SNTG1: variants seen among roughly 807,000 people sequenced by gnomAD.
SNTG1 encodes gamma-1-syntrophin.
Under a neutral mutation model 74.7 loss-of-function variants are expected in SNTG1, and 39 were observed. The ratio of observed to expected loss-of-function variants is 0.52; its 90% CI spans 0.40 to 0.68. The LOEUF is 0.68. Ranked by LOEUF, SNTG1 falls within the 30% of genes least tolerant of loss-of-function variation. The probability of loss-of-function intolerance (pLI) is 0.00; values close to 1 mark genes in which losing one functional copy is unlikely to be tolerated. For synonymous variants in SNTG1, 254 were observed against 217.1 expected (o/e 1.17, Z -1.49); for missense variants, 685 against 609.5 (o/e 1.12, Z -1.30).
chr8:50,128,147 G>GA (rs2081205209), intron 1 of SNTG1, among the ~76,000 whole-genome samples: 1 of 151,992 alleles, frequency 6.6e-6, no homozygotes, highest in Non-Finnish European at 1.5e-5. Context: ...AAATATATTG[G>GA]AAAAAGAAAG....
At chr8:50,757,103 G>A (rs1412965178) in intron 18 of SNTG1, among the ~76,000 whole-genome samples, 3 of 151,630 alleles carry the variant, frequency 2.0e-5, no homozygotes, top group African/African-American at 2.4e-5. Flanking sequence ...TGGTTTGGTA[G>A]GTAATTTTTA....
At chr8:50,612,490 T>C (rs1459255467) in intron 13 of SNTG1, among the ~76,000 whole-genome samples, 5 of 152,222 alleles carry the variant, frequency 3.3e-5, no homozygotes, top group Non-Finnish European at 7.3e-5. Context: ...TTTGTCACTT[T>C]TCATTAATTC....
chr8:50,305,509 G>A (rs1317714916), intron 2 of SNTG1, among the ~76,000 whole-genome samples: 1 of 126,592 alleles, frequency 7.9e-6, no homozygotes, highest in Admixed American at 8.9e-5. Flanking sequence ...GTGGATGTTT[G>A]GTTTGTTTGT....
In SNTG1 at chr8:50,589,318, G is replaced by A. The variant is rs371982814; in HGVS notation, c.811-1561G>A. Among the ~76,000 whole-genome samples the A allele has an allele frequency of 6.6e-5, 10 of 152,014 alleles. No homozygotes were observed. The East Asian group carries it at 1.7e-3, about 26-fold the overall frequency. On this transcript the variant is annotated intron_variant, in intron 12 of 18. Transcript: ENST00000642720. ...TTCCTCACAGGTAAATAATTCTGAT[G>A]GTCTAGTAAACACTCTAGTGGGACA...
intron 2 of SNTG1, among the ~76,000 whole-genome samples, chr8:50,269,037 A>G (rs2087634150): frequency 6.6e-6 from 1 of 152,208 alleles, no homozygotes; most frequent in Non-Finnish European, 1.5e-5. Flanking sequence ...TTGAGCAGTT[A>G]GATTTAGTGG....
chr8:49,950,307 C>T (rs1231866630), intron 1 of SNTG1, among the ~76,000 whole-genome samples: 1 of 152,132 alleles, frequency 6.6e-6, no homozygotes, highest in Admixed American at 6.5e-5. Flanking sequence ...TCCCATGGCA[C>T]ATGATAAATG....
chr8:50,413,374 A>T (rs2092974289), intron 4 of SNTG1, among the ~76,000 whole-genome samples: 1 of 152,056 alleles, frequency 6.6e-6, no homozygotes, highest in Admixed American at 6.6e-5. Context: ...TGACAGTTTG[A>T]TGTATTTTGT....
intron 12 of SNTG1, among the ~76,000 whole-genome samples, chr8:50,565,273 C>CA (rs767337408): frequency 2.8e-4 from 41 of 145,844 alleles, no homozygotes; most frequent in African/African-American, 5.5e-4. Flanking sequence ...CCAGGAACAG[C>CA]AAAAAAAAAA....
chr8:50,480,969 G>T (rs112903468), intron 8 of SNTG1, among the ~76,000 whole-genome samples: 1 of 152,126 alleles, frequency 6.6e-6, no homozygotes, highest in Non-Finnish European at 1.5e-5. Context: ...TGTACACATA[G>T]TATCCTCTTG....
intron 4 of SNTG1, among the ~76,000 whole-genome samples, chr8:50,404,789 G>A (rs944439587): frequency 3.9e-5 from 6 of 151,934 alleles, no homozygotes; most frequent in Non-Finnish European, 7.4e-5. Flanking sequence ...AACTCTGTAC[G>A]CATTAAACAG....
At chr8:50,499,633 C>T (rs907598247) in intron 8 of SNTG1, among the ~76,000 whole-genome samples, 1 of 151,366 alleles carries the variant, frequency 6.6e-6, no homozygotes, top group African/African-American at 2.4e-5. Flanking sequence ...GGCCTTTAGT[C>T]TTTTACTATT....
intron 1 of SNTG1, among the ~76,000 whole-genome samples, chr8:50,006,049 G>A (rs560864152): frequency 1.5e-5 from 2 of 129,186 alleles, no homozygotes; most frequent in Admixed American, 9.4e-5. Context: ...TGCAACCTCC[G>A]ACTCCTGGGT....
chr8:50,292,720 T>A (rs1034940179), intron 2 of SNTG1, among the ~76,000 whole-genome samples: 5 of 152,140 alleles, frequency 3.3e-5, no homozygotes, highest in African/African-American at 9.7e-5. Flanking sequence ...AGAGGCTCCG[T>A]GAGTTTAATG....
chr8:50,631,402 A>G (rs1411925937), intron 13 of SNTG1, among the ~76,000 whole-genome samples: 2 of 152,234 alleles, frequency 1.3e-5, no homozygotes, highest in Non-Finnish European at 2.9e-5. Flanking sequence ...ATTATATTAT[A>G]GAGACATGAA....
At chr8:50,298,418 C>A (rs1243384914) in intron 2 of SNTG1, among the ~76,000 whole-genome samples, 3 of 152,118 alleles carry the variant, frequency 2.0e-5, no homozygotes, top group Non-Finnish European at 4.4e-5. Context: ...GTGAGGGAAG[C>A]TGCCTTATTC....
chr8:50,161,276 G>A (rs1310994180), intron 1 of SNTG1, among the ~76,000 whole-genome samples: 1 of 152,152 alleles, frequency 6.6e-6, no homozygotes, highest in African/African-American at 2.4e-5. Flanking sequence ...CATGATTATG[G>A]AAATCTAAGC....
chr8:50,242,544 AAC>A (rs72206658), intron 2 of SNTG1, among the ~76,000 whole-genome samples: 19,989 of 100,200 alleles, frequency 0.2, 1,725 homozygotes, highest in Middle Eastern at 0.27. Context: ...AAAAAAAAAA[AAC>A]ACACCAGGAA....
chr8:50,569,068 T>C (rs970004208), intron 12 of SNTG1: 4 of 152,190 alleles, frequency 2.6e-5, no homozygotes, highest in African/African-American at 9.7e-5. Flanking sequence ...TCTCATTCTG[T>C]TTAACAAAAT....
chr8:50,642,561 G>T (rs940922747), intron 13 of SNTG1, among the ~76,000 whole-genome samples: 6 of 152,064 alleles, frequency 3.9e-5, no homozygotes, highest in African/African-American at 1.4e-4. Context: ...TCATCCCCAA[G>T]ATCGTCCTGG....
Sources: allele counts gnomAD v4.1 joint callset (sites outside exome capture counted in the v4.1 genomes callset), GRCh38; gene constraint gnomAD v4.1.1; transcripts MANE v1.5; gene names NCBI Gene and HGNC (gene_info 2026-07-23, HGNC 2026-07-21).